TADA1: variants seen among roughly 807,000 people sequenced by gnomAD.
TADA1 encodes the protein transcriptional adapter 1.
Under a neutral mutation model 39.3 loss-of-function variants are expected in TADA1, and 23 were observed. The observed-to-expected ratio is 0.58, with a 90% confidence interval of 0.42 to 0.83. The LOEUF (loss-of-function observed/expected upper bound fraction) is 0.83. TADA1 is among the 40% of genes least tolerant of loss of function. The pLI is 0.00. For synonymous variants in TADA1, 137 were observed against 151.8 expected (o/e 0.90, Z 0.72); for missense variants, 352 against 408.1 (o/e 0.86, Z 1.18).
intron 1 of TADA1, among the ~76,000 whole-genome samples, chr1:166,874,186 C>T (rs1571244085): frequency 6.6e-6 from 1 of 151,608 alleles, no homozygotes; most frequent in Non-Finnish European, 1.5e-5. Flanking sequence ...ACTAAAAATA[C>T]AAAAATTAGC....
intron 1 of TADA1, among the ~76,000 whole-genome samples, chr1:166,874,546 GAGGCCA>G (rs1658724161): frequency 6.6e-6 from 1 of 152,122 alleles, no homozygotes; most frequent in Non-Finnish European, 1.5e-5. Flanking sequence ...AGAACTTTGG[GAGGCCA>G]ATGCGGGAGG....
intron 1 of TADA1, among the ~76,000 whole-genome samples, chr1:166,875,891 G>A (rs1658754242): frequency 6.6e-6 from 1 of 152,208 alleles, no homozygotes; most frequent in African/African-American, 2.4e-5. Context: ...GGTGCGAAGT[G>A]CGCTTCTCCC....
intron 3 of TADA1, among the ~76,000 whole-genome samples, chr1:166,866,962 C>T (rs1454379762): frequency 6.6e-6 from 1 of 152,148 alleles, no homozygotes; most frequent in African/African-American, 2.4e-5. Flanking sequence ...CCAGGCTGGT[C>T]TTGAACTCCT....
intron 6 of TADA1, 29 bp downstream of exon 6, chr1:166,860,157 G>A (rs1372897194): frequency 6.4e-7 from 1 of 1,573,748 alleles, no homozygotes; most frequent in Non-Finnish European, 8.6e-7. Flanking sequence ...GCAAAAGATG[G>A]AAAGAAAATC....
intron 6 of TADA1, among the ~76,000 whole-genome samples, chr1:166,859,605 G>A (rs1441589729): frequency 6.6e-6 from 1 of 152,118 alleles, no homozygotes; most frequent in Admixed American, 6.5e-5. Context: ...AGGACATAGA[G>A]ACATCCTGAA....
chr1:166,862,013 C>T (rs578161225), intron 5 of TADA1, among the ~76,000 whole-genome samples, 190 bp downstream of exon 5: 1 of 152,160 alleles, frequency 6.6e-6, no homozygotes, highest in African/African-American at 2.4e-5. Flanking sequence ...GAGCCATGAT[C>T]GTGCCACTGC....
intron 3 of TADA1, among the ~76,000 whole-genome samples, 161 bp from the exon 4 acceptor site, chr1:166,864,082 TATCG>T (rs1477326780): frequency 6.6e-6 from 1 of 152,248 alleles, no homozygotes; most frequent in Non-Finnish European, 1.5e-5. Context: ...TAAATAAAAT[TATCG>T]ATCCTCTCAA....
At chr1:166,874,600 C>T (rs1658725042) in intron 1 of TADA1, among the ~76,000 whole-genome samples, 1 of 151,888 alleles carries the variant, frequency 6.6e-6, no homozygotes, top group Non-Finnish European at 1.5e-5. Flanking sequence ...GCCTGGGCAA[C>T]ACAGCAAGAC....
chr1:166,865,475 T>C (rs1454687862), intron 3 of TADA1, among the ~76,000 whole-genome samples: 1 of 139,508 alleles, frequency 7.2e-6, no homozygotes, highest in Non-Finnish European at 1.6e-5. Flanking sequence ...TGTTTAATGT[T>C]AAAAAAAAAA....
At position 166,858,121 on chromosome 1, in the gene TADA1, G is replaced by A; in HGVS notation, c.853C>T (p.Gln285Ter). 6.2e-7 allele frequency: 1 copy of A among 1,614,048 alleles called. No individual in the cohort carries two copies. The highest frequency in any genetic ancestry group is 8.5e-7 in the Non-Finnish European group (1 of 1,179,974). The change falls in exon 7 of 8, where the codon CAG becomes TAG. Residue 285 changes from glutamine to a stop codon, truncating the protein, a stop_gained and splice_region_variant. Transcript: ENST00000367874. LOFTEE classifies it high-confidence loss of function. Reference sequence around the variant, plus strand: ...AACTTTAAGGAGCCAAGACTTACCTGCAAAGCTTCAAAAAGATCGTACATG... The same window carrying A: ...AACTTTAAGGAGCCAAGACTTACCTACAAAGCTTCAAAAAGATCGTACATG... ...VNMYDLFEAL[Q>*]VHREVIPTHT...
At chr1:166,861,166 A>G (rs61461086) in intron 5 of TADA1, among the ~76,000 whole-genome samples, 4,085 of 152,274 alleles carry the variant, frequency 0.027, 193 homozygotes, top group African/African-American at 0.093. Flanking sequence ...AGCCAAGTAT[A>G]TAAGAAAAGG....
chr1:166,872,675 A>G (rs957185570), intron 1 of TADA1, among the ~76,000 whole-genome samples: 1 of 150,728 alleles, frequency 6.6e-6, no homozygotes, highest in Non-Finnish European at 1.5e-5. Context: ...TCTGTCTCCA[A>G]AAAAAAAAAC....
Position 166,862,411 on chromosome 1 carries a change from T to C in TADA1, c.332A>G (p.His111Arg), listed in dbSNP as rs946904236. Reference protein sequence around the residue: ...KLSSVRQKFDHRFQPQNPLSG... With the variant: ...KLSSVRQKFDRRFQPQNPLSG... Reference sequence around the variant, plus strand: ...GAGAGGATTTTGAGGCTGGAATCTATGCTATGAGTAAGAAAAACTTTTTAA... The same window carrying C: ...GAGAGGATTTTGAGGCTGGAATCTACGCTATGAGTAAGAAAAACTTTTTAA... The change falls in exon 5 of 8, where the codon CAT becomes CGT. Residue 111 changes from histidine (H) to arginine (R), a missense_variant and splice_region_variant. His to Arg is a conservative substitution (Grantham distance 29). Coordinates refer to ENST00000367874, the MANE Select transcript of TADA1 (RefSeq NM_053053.4). 3 of 1,613,862 alleles carry C rather than the reference T, an allele frequency of 1.9e-6. No individual in the cohort carries two copies. The highest frequency in any genetic ancestry group is 2.5e-6 in the Non-Finnish European group (3 of 1,179,818).
intron 3 of TADA1, chr1:166,869,195 C>A: frequency 2.2e-6 from 1 of 447,962 alleles, no homozygotes; most frequent in South Asian, 2.7e-5. Context: ...GTTTGGGTTC[C>A]ACTGGAAAGA....
chr1:166,871,021 T>C (rs1658646305), intron 1 of TADA1, among the ~76,000 whole-genome samples: 1 of 152,184 alleles, frequency 6.6e-6, no homozygotes, highest in Non-Finnish European at 1.5e-5. Flanking sequence ...CATTTATATT[T>C]GTTTTAGGTG....
At chr1:166,863,981 T>C in intron 3 of TADA1, 60 bp from the exon 4 acceptor site, 2 of 1,386,578 alleles carry the variant, frequency 1.4e-6, no homozygotes, top group Non-Finnish European at 2.0e-6. Context: ...ACTGCTAAGT[T>C]TGTTTTCATT....
intron 6 of TADA1, among the ~76,000 whole-genome samples, chr1:166,859,928 A>G (rs2101786462): frequency 6.6e-6 from 1 of 152,306 alleles, no homozygotes. Context: ...CACTGCACCT[A>G]AGAAAGTCGG....
intron 3 of TADA1, among the ~76,000 whole-genome samples, chr1:166,865,510 T>C (rs1571239776): frequency 6.6e-6 from 1 of 150,740 alleles, no homozygotes; most frequent in Non-Finnish European, 1.5e-5. Context: ...CTCACTACAG[T>C]ACACTTAAAA....
chr1:166,864,237 T>C (rs1658478937), intron 3 of TADA1, among the ~76,000 whole-genome samples: 1 of 152,218 alleles, frequency 6.6e-6, no homozygotes, highest in South Asian at 2.1e-4. Flanking sequence ...TGGTCTAAGA[T>C]GATGAACTGA....
Sources: gnomAD v4.1 joint callset for allele counts (sites outside exome capture counted in the v4.1 genomes callset) on GRCh38, gnomAD v4.1.1 for gene constraint, MANE v1.5 for transcripts, NCBI Gene and HGNC (gene_info 2026-07-23, HGNC 2026-07-21) for gene names.